Variants in CCBE1 observed in about 807,000 individuals in gnomAD.
CCBE1 encodes collagen and calcium binding EGF domains 1, also known as collagen and calcium-binding EGF domain-containing protein 1.
In CCBE1, 37 loss-of-function variants were observed where a neutral mutation model predicts 50.0. The ratio of observed to expected loss-of-function variants is 0.74; its 90% CI spans 0.57 to 0.97. The LOEUF (loss-of-function observed/expected upper bound fraction) is 0.97, where lower values mean the gene tolerates loss of function less well. Ranked by LOEUF, CCBE1 falls within the 50% of genes least tolerant of loss-of-function variation. The probability of loss-of-function intolerance (pLI) is 0.00; values close to 1 mark genes in which losing one functional copy is unlikely to be tolerated. For synonymous variants in CCBE1, 234 were observed against 203.7 expected, an observed-to-expected ratio of 1.15 and a Z score of -1.27; for missense variants, 538 against 523.8, an observed-to-expected ratio of 1.03 and a Z score of -0.26.
At chr18:59,479,042 C>T (rs771386677) in intron 3 of CCBE1, among the ~76,000 whole-genome samples, 2 of 152,198 alleles carry the variant, frequency 1.3e-5, no homozygotes, top group African/African-American at 2.4e-5. Context: ...GGGAGGGATT[C>T]ATCTGTTTCT....
chr18:59,685,730 G>C (rs116444364), intron 2 of CCBE1: 1 of 152,170 alleles, frequency 6.6e-6, no homozygotes. Flanking sequence ...ATTTCTATGC[G>C]CAGTCAAGGC....
At chr18:59,488,875 C>CT (rs1258988166) in intron 2 of CCBE1, among the ~76,000 whole-genome samples, 1 of 152,098 alleles carries the variant, frequency 6.6e-6, no homozygotes, top group Non-Finnish European at 1.5e-5. Flanking sequence ...CCTGTTGTGT[C>CT]TCCCCCACCG....
intron 2 of CCBE1, among the ~76,000 whole-genome samples, chr18:59,580,821 A>T (rs2053073698): frequency 6.6e-6 from 1 of 152,186 alleles, no homozygotes; most frequent in African/African-American, 2.4e-5. Context: ...CCATATGTTG[A>T]TGCCACACAT....
intron 2 of CCBE1, among the ~76,000 whole-genome samples, chr18:59,504,706 G>A (rs1378626785): frequency 1.3e-5 from 2 of 152,150 alleles, no homozygotes; most frequent in East Asian, 3.9e-4. Flanking sequence ...TTAACCTGCT[G>A]GAGTCTGCGA....
chr18:59,448,836 A>C (rs1910800982), intron 6 of CCBE1, among the ~76,000 whole-genome samples: 1 of 152,146 alleles, frequency 6.6e-6, no homozygotes, highest in African/African-American at 2.4e-5. Context: ...GCTTTGTACA[A>C]CTTCAAGTCA....
At chr18:59,584,746 G>A (rs1163035538) in intron 2 of CCBE1, among the ~76,000 whole-genome samples, 1 of 152,076 alleles carries the variant, frequency 6.6e-6, no homozygotes, top group African/African-American at 2.4e-5. Flanking sequence ...GTTTCCCGAG[G>A]CCTCCCCAGA....
intron 6 of CCBE1, among the ~76,000 whole-genome samples, chr18:59,450,898 G>A (rs1311945281): frequency 6.6e-6 from 1 of 152,136 alleles, no homozygotes; most frequent in African/African-American, 2.4e-5. Context: ...AGTAGCAGAG[G>A]AAACCACACA....
chr18:59,596,101 G>T (rs1344179749), intron 2 of CCBE1, among the ~76,000 whole-genome samples: 2 of 152,172 alleles, frequency 1.3e-5, no homozygotes, highest in African/African-American at 4.8e-5. Context: ...GCTAAAGAAT[G>T]CAGGAAATAA....
intron 2 of CCBE1, among the ~76,000 whole-genome samples, chr18:59,560,095 G>T (rs1272192371): frequency 2.6e-5 from 4 of 152,212 alleles, no homozygotes; most frequent in African/African-American, 9.6e-5. Flanking sequence ...CTCTTGCCTG[G>T]GAGTTGGGAT....
upstream of CCBE1, chr18:59,697,499 A>G: frequency 3.1e-6 from 3 of 953,890 alleles, no homozygotes; most frequent in South Asian, 5.2e-5. Flanking sequence ...CCGGAATATT[A>G]TGGGGCTGGG....
intron 2 of CCBE1, among the ~76,000 whole-genome samples, chr18:59,492,672 A>G (rs1040682358): frequency 1.6e-4 from 25 of 152,352 alleles, no homozygotes; most frequent in Middle Eastern, 3.4e-3. Flanking sequence ...GGTTGTGCAT[A>G]AGAGAAAAAT....
rs1307488314 is a variant in CCBE1, at chr18:59,456,830, A to AG, written c.554-1880dup. Among the ~76,000 whole-genome samples, 14 of 152,280 alleles carry AG rather than the reference A, an allele frequency of 9.2e-5. No homozygotes were observed. In the East Asian group the frequency reaches 2.7e-3, roughly 29 times the overall value. ...CCCTTTGGGAGGTGAGCAGGCCCAGAGGCAGCCTGGTAGCTGAGCTCTCAG... is the reference window on the plus strand; with the variant it reads ...CCCTTTGGGAGGTGAGCAGGCCCAGAGGGCAGCCTGGTAGCTGAGCTCTCAG... On this transcript the variant is annotated intron_variant, in intron 5 of 10. Transcript: ENST00000439986.
chr18:59,495,754 A>C (rs17780311), intron 2 of CCBE1, among the ~76,000 whole-genome samples: 9,460 of 152,140 alleles, frequency 0.062, 819 homozygotes, highest in East Asian at 0.33. Context: ...TGTGGCACGC[A>C]CAGTAAGTTC....
chr18:59,588,787 A>G (rs2053215529), intron 2 of CCBE1, among the ~76,000 whole-genome samples: 1 of 152,164 alleles, frequency 6.6e-6, no homozygotes, highest in African/African-American at 2.4e-5. Flanking sequence ...AGCAATGCCC[A>G]GCATTTTTCA....
intron 2 of CCBE1, among the ~76,000 whole-genome samples, chr18:59,625,450 A>G (rs1240349604): frequency 6.6e-6 from 1 of 151,774 alleles, no homozygotes; most frequent in Non-Finnish European, 1.5e-5. Context: ...AAAAAAAAAA[A>G]AAAATTGTAG....
At chr18:59,548,038 C>T (rs911950410) in intron 2 of CCBE1, among the ~76,000 whole-genome samples, 2 of 152,134 alleles carry the variant, frequency 1.3e-5, no homozygotes, top group African/African-American at 2.4e-5. Flanking sequence ...TTTAAAGAAC[C>T]GAAAATGTGG....
intron 2 of CCBE1, among the ~76,000 whole-genome samples, chr18:59,541,303 G>A (rs967052060): frequency 6.6e-6 from 1 of 152,144 alleles, no homozygotes; most frequent in Non-Finnish European, 1.5e-5. Context: ...TTCTGATGAT[G>A]GGAAACTAAA....
chr18:59,622,861 G>A (rs189320302), intron 2 of CCBE1, among the ~76,000 whole-genome samples: 1 of 151,718 alleles, frequency 6.6e-6, no homozygotes, highest in Admixed American at 6.6e-5. Flanking sequence ...GTCTGGGGGA[G>A]GGAGAGAGGG....
At position 59,461,729 on chromosome 18, in the gene CCBE1, C is replaced by CTTTTTTT. The variant is rs36013463; in HGVS notation, c.553+5003_553+5009dup. ...GAGAGGATTCCCAGCCAGGTGTAAT[C>CTTTTTTT]TTTTTTTTTTTTTTTTTTTTTGAGA... is the stretch of plus-strand genomic sequence containing the variant. On this transcript the variant is annotated intron_variant, in intron 5 of 10. Coordinates refer to ENST00000439986, the MANE Select transcript of CCBE1 (RefSeq NM_133459.4). 7.1e-3 allele frequency among the ~76,000 whole-genome samples: 773 copies of CTTTTTTT among 109,270 alleles called. 30 individuals carry two copies. The highest frequency in any genetic ancestry group is 0.025 in the African/African-American group (694 of 27,358). 71.7% of individuals were successfully genotyped at this position (109,270 alleles called of 152,430 possible).
Sources: gnomAD v4.1 joint callset for allele counts (sites outside exome capture counted in the v4.1 genomes callset) on GRCh38, gnomAD v4.1.1 for gene constraint, MANE v1.5 for transcripts, NCBI Gene and HGNC (gene_info 2026-07-23, HGNC 2026-07-21) for gene names.